Variants in TMEM170B observed in about 807,000 individuals in gnomAD.
The protein encoded by TMEM170B is transmembrane protein 170B.
In TMEM170B, 6 loss-of-function variants were observed where a neutral mutation model predicts 13.0. That is an observed-to-expected ratio of 0.46 (90% CI 0.25 to 0.91). The LOEUF (loss-of-function observed/expected upper bound fraction) is 0.91. TMEM170B is among the 40% of genes least tolerant of loss of function. The pLI is 0.17. For synonymous variants in TMEM170B, 61 were observed against 64.9 expected (o/e 0.94, Z 0.29); for missense variants, 138 against 165.2 (o/e 0.84, Z 0.90).
In TMEM170B at chr6:11,560,582, T is replaced by TAAA. The variant is rs11404962; in HGVS notation, c.98-5069_98-5067dup. Among the ~76,000 whole-genome samples the TAAA allele has an allele frequency of 3.6e-3, 486 of 135,632 alleles. 4 individuals carry two copies. Among genetic ancestry groups the TAAA allele is most frequent in the Non-Finnish European group, 5.1e-3 (327 of 64,338 alleles). The allele number at this position is 135,632 out of a possible 152,430, so 89.0% of individuals were successfully genotyped here. On this transcript the variant is annotated intron_variant, in intron 1 of 2. Transcript: ENST00000379426. ...GCAGCATAGCAAGACTGCTATCTCT[T>TAAA]AAAAAAAAAAAAAAAAATGAAAAAC...
chr6:11,547,952 G>A (rs912820996), intron 1 of TMEM170B, among the ~76,000 whole-genome samples: 1 of 152,132 alleles, frequency 6.6e-6, no homozygotes, highest in African/African-American at 2.4e-5. Flanking sequence ...TCATGAAGAG[G>A]AGTCACAATT....
intron 1 of TMEM170B, among the ~76,000 whole-genome samples, chr6:11,558,545 A>G (rs1053490793): frequency 6.6e-6 from 1 of 152,226 alleles, no homozygotes; most frequent in Non-Finnish European, 1.5e-5. Context: ...TGGGGGTGGT[A>G]TCAAGGCATC....
At chr6:11,562,418 T>C (rs553822247) in intron 1 of TMEM170B, among the ~76,000 whole-genome samples, 2 of 149,646 alleles carry the variant, frequency 1.3e-5, no homozygotes, top group Admixed American at 6.7e-5. Context: ...TGTATGCCAT[T>C]GAGAAGCATG....
intron 2 of TMEM170B, 78 bp downstream of exon 2, chr6:11,565,914 T>C (rs1759726322): frequency 4.5e-6 from 6 of 1,345,782 alleles, no homozygotes; most frequent in Non-Finnish European, 3.2e-6. Flanking sequence ...TTATTATACA[T>C]GTAACATTAG....
chr6:11,557,505 TA>T (rs1185797866), intron 1 of TMEM170B, among the ~76,000 whole-genome samples: 2 of 151,586 alleles, frequency 1.3e-5, no homozygotes, highest in African/African-American at 2.4e-5. Context: ...CCCCAGAAAT[TA>T]AAAAAAAGGA....
chr6:11,539,190 A>G (rs560650233), intron 1 of TMEM170B, among the ~76,000 whole-genome samples: 3 of 152,246 alleles, frequency 2.0e-5, no homozygotes, highest in Non-Finnish European at 4.4e-5. Context: ...GGAAATGCTT[A>G]CATTATACTT....
Position 11,569,591 on chromosome 6 carries a change from T to G in TMEM170B, c.268+3755T>G, listed in dbSNP as rs80327007. Among the ~76,000 whole-genome samples the G allele has an allele frequency of 3.7e-4, 57 of 152,336 alleles. No individual in the cohort carries two copies. The East Asian group carries it at 9.8e-3, about 26-fold the overall frequency. On this transcript the variant is annotated intron_variant, in intron 2 of 2. Coordinates refer to ENST00000379426, the MANE Select transcript of TMEM170B (RefSeq NM_001100829.3). Reference sequence around the variant, plus strand: ...GCAGCCATAGACATATGTAAATGAATGCTCATGGCCTGTTTCAGTAAAACG... The same window carrying G: ...GCAGCCATAGACATATGTAAATGAAGGCTCATGGCCTGTTTCAGTAAAACG...
In TMEM170B at chr6:11,579,553, G is replaced by A. The variant is rs1759924400; in HGVS notation, c.*3992G>A. ...TTTTCCTTACATATGCTTTAGGAAA[G>A]AAACTAAAAACGTTTTCTTATAATC... is the stretch of plus-strand genomic sequence containing the variant. On this transcript the variant is annotated 3_prime_UTR_variant, in exon 3 of 3. Transcript: ENST00000379426. 1 of 152,106 alleles carries A rather than the reference G, an allele frequency of 6.6e-6. No individual in the cohort carries two copies. The highest frequency in any genetic ancestry group is 2.1e-4 in the South Asian group (1 of 4,826). The allele number at this position is 152,106 out of a possible 1,614,324, so 9.4% of individuals were successfully genotyped here. A position where few individuals can be genotyped will look rare whatever the true frequency, so the allele number is the denominator to read the frequency against.
Position 11,538,092 on chromosome 6 carries a change from C to A in TMEM170B, c.-186C>A, listed in dbSNP as rs1412186465. The stretch of plus-strand genomic sequence containing the variant: ...CGGGGAGGGGGCTGCCTGGGAGACA[C>A]GCTGAGCGGCCCCCCCACGGAGGCC... On this transcript the variant is annotated 5_prime_UTR_variant, in exon 1 of 3. Coordinates refer to ENST00000379426, the MANE Select transcript of TMEM170B (RefSeq NM_001100829.3). Among the ~76,000 whole-genome samples, 2 of 151,176 alleles carry A rather than the reference C, an allele frequency of 1.3e-5. No individual in the cohort carries two copies. The highest frequency in any genetic ancestry group is 3.0e-5 in the Non-Finnish European group (2 of 67,618).
At chr6:11,562,993 T>C (rs909224127) in intron 1 of TMEM170B, among the ~76,000 whole-genome samples, 1 of 152,206 alleles carries the variant, frequency 6.6e-6, no homozygotes, top group Non-Finnish European at 1.5e-5. Flanking sequence ...ATCATGCTTT[T>C]AAATTTTTTA....
At chr6:11,566,267 T>G (rs1354633714) in intron 2 of TMEM170B, among the ~76,000 whole-genome samples, 1 of 152,226 alleles carries the variant, frequency 6.6e-6, no homozygotes, top group Non-Finnish European at 1.5e-5. Flanking sequence ...AAATTGCACT[T>G]TCTTCTTATA....
At position 11,577,861 on chromosome 6, in the gene TMEM170B, G is replaced by C. The variant is rs957271732; in HGVS notation, c.*2300G>C. 1 of 152,040 alleles carries C rather than the reference G, an allele frequency of 6.6e-6. No homozygotes were observed. Among genetic ancestry groups the C allele is most frequent in the East Asian group, 1.9e-4 (1 of 5,208 alleles). The allele number at this position is 152,040 out of a possible 1,614,324, so 9.4% of individuals were successfully genotyped here. On this transcript the variant is annotated 3_prime_UTR_variant, in exon 3 of 3. Coordinates refer to ENST00000379426, the MANE Select transcript of TMEM170B (RefSeq NM_001100829.3). ...ATTTTTGGTTTCTTTGCTGTTTTCA[G>C]TTATTTCCATTGAGATTTTGTGCAA...
rs1582150406 is a variant in TMEM170B, at chr6:11,581,953, T to G, written c.*6392T>G. ...CTTTCTTAATGTTTTTGATGTTGGA[T>G]GCATTTACAATGGAAGAATTTTTTT... On this transcript the variant is annotated 3_prime_UTR_variant, in exon 3 of 3. Transcript: ENST00000379426. The G allele has an allele frequency of 6.6e-6, 1 of 152,328 alleles. No homozygotes were observed. Among genetic ancestry groups the G allele is most frequent in the East Asian group, 1.9e-4 (1 of 5,192 alleles). The allele number at this position is 152,328 out of a possible 1,614,324, so 9.4% of individuals were successfully genotyped here.
At chr6:11,540,119 T>A (rs1759339040) in intron 1 of TMEM170B, among the ~76,000 whole-genome samples, 1 of 152,214 alleles carries the variant, frequency 6.6e-6, no homozygotes, top group African/African-American at 2.4e-5. Flanking sequence ...GAGGGTCTTG[T>A]CTTTGTGTTG....
rs1267939148 is a variant in TMEM170B, at chr6:11,576,975, T to C, written c.*1414T>C. 1 of 152,140 alleles carries C rather than the reference T, an allele frequency of 6.6e-6. No individual in the cohort carries two copies. Among genetic ancestry groups the C allele is most frequent in the Non-Finnish European group, 1.5e-5 (1 of 67,974 alleles). The allele number at this position is 152,140 out of a possible 1,614,324, so 9.4% of individuals were successfully genotyped here. A position where few individuals can be genotyped will look rare whatever the true frequency, so the allele number is the denominator to read the frequency against. ...AACTGGTCTCCTAATGAGATTTTTT[T>C]TGGCACCAGATACAATTATAATGTG... On this transcript the variant is annotated 3_prime_UTR_variant, in exon 3 of 3. Coordinates refer to ENST00000379426, the MANE Select transcript of TMEM170B (RefSeq NM_001100829.3).
At chr6:11,564,443 T>C (rs556328121) in intron 1 of TMEM170B, among the ~76,000 whole-genome samples, 2 of 152,364 alleles carry the variant, frequency 1.3e-5, no homozygotes, top group East Asian at 3.9e-4. Flanking sequence ...GACTTTTCTT[T>C]TACAATTGAT....
chr6:11,546,012 T>TAA (rs35584418), intron 1 of TMEM170B, among the ~76,000 whole-genome samples: 1,017 of 95,238 alleles, frequency 0.011, 9 homozygotes, highest in Middle Eastern at 0.036. Context: ...ACTCCGTCTT[T>TAA]AAAAAAAAAA....
chr6:11,561,654 A>G (rs185008345), intron 1 of TMEM170B, among the ~76,000 whole-genome samples: 5 of 152,316 alleles, frequency 3.3e-5, no homozygotes, highest in Admixed American at 3.3e-4. Flanking sequence ...ACAAAACCTA[A>G]CATAACTGTT....
intron 1 of TMEM170B, among the ~76,000 whole-genome samples, chr6:11,557,840 A>G (rs1017679808): frequency 6.6e-6 from 1 of 152,256 alleles, no homozygotes; most frequent in East Asian, 1.9e-4. Context: ...TCACAAAGCC[A>G]GTACAAAAAT....
Sources: gnomAD v4.1 joint callset for allele counts (sites outside exome capture counted in the v4.1 genomes callset) on GRCh38, gnomAD v4.1.1 for gene constraint, MANE v1.5 for transcripts, NCBI Gene and HGNC (gene_info 2026-07-23, HGNC 2026-07-21) for gene names.